NTM: variants seen among roughly 807,000 people sequenced by gnomAD.
The protein encoded by NTM is IgLON family member 2.
Under a neutral mutation model 42.1 loss-of-function variants are expected in NTM, and 13 were observed. The ratio of observed to expected loss-of-function variants is 0.31; its 90% CI spans 0.20 to 0.49. The LOEUF is 0.49. Among genes scored for constraint, NTM ranks in the 20% least tolerant of loss-of-function variants. The pLI is 0.99. For synonymous variants in NTM, 187 were observed against 179.2 expected, an observed-to-expected ratio of 1.04 and a Z score of -0.35; for missense variants, 373 against 452.8, an observed-to-expected ratio of 0.82 and a Z score of 1.60.
intron 1 of NTM, among the ~76,000 whole-genome samples, chr11:131,750,071 C>T (rs2082297063): frequency 1.3e-5 from 2 of 152,182 alleles, no homozygotes; most frequent in South Asian, 2.1e-4. Context: ...TTTCCCCTGA[C>T]CTTAGGTGGA....
chr11:131,910,856 C>G (rs1472634656), intron 1 of NTM: 1 of 985,076 alleles, frequency 1.0e-6, no homozygotes, highest in Admixed American at 6.2e-5. Context: ...GGAAGTTGAC[C>G]GAGGCGGCTG....
chr11:132,194,814 C>CTTTT (rs902871492), intron 3 of NTM, among the ~76,000 whole-genome samples: 72 of 110,646 alleles, frequency 6.5e-4, no homozygotes, highest in African/African-American at 8.5e-4. Context: ...GCATTTCTTC[C>CTTTT]TTTTTTTTTT....
intron 1 of NTM, among the ~76,000 whole-genome samples, chr11:131,388,353 A>G (rs1943575185): frequency 1.3e-5 from 2 of 152,106 alleles, no homozygotes; most frequent in Non-Finnish European, 2.9e-5. Flanking sequence ...AGATATATTT[A>G]AATTCCTGAT....
intron 2 of NTM, among the ~76,000 whole-genome samples, chr11:131,918,564 T>C (rs903870644): frequency 7.9e-5 from 12 of 152,264 alleles, no homozygotes; most frequent in Middle Eastern, 6.8e-3. Context: ...CCAGCTCACA[T>C]ACTCAGGTGG....
chr11:132,088,599 C>T (rs1221891030), intron 2 of NTM, among the ~76,000 whole-genome samples: 1 of 152,216 alleles, frequency 6.6e-6, no homozygotes, highest in Non-Finnish European at 1.5e-5. Context: ...CCACGCTCTT[C>T]CCCAGCATAA....
chr11:131,407,938 T>C (rs929641457), intron 1 of NTM, among the ~76,000 whole-genome samples: 2 of 152,228 alleles, frequency 1.3e-5, no homozygotes, highest in African/African-American at 4.8e-5. Context: ...ATTAACTTAA[T>C]AGTTTCGTGG....
intron 1 of NTM, among the ~76,000 whole-genome samples, chr11:131,447,036 A>AATT (rs375875541): frequency 1.3e-4 from 2 of 15,610 alleles, no homozygotes; most frequent in African/African-American, 4.5e-4. Context: ...CAAAGCTGGA[A>AATT]ATTATTTTTG....
At chr11:131,992,492 C>T (rs994997299) in intron 2 of NTM, among the ~76,000 whole-genome samples, 44 of 152,082 alleles carry the variant, frequency 2.9e-4, no homozygotes, top group African/African-American at 1.0e-3. Context: ...GGTGTATGAA[C>T]ATAAGACTAC....
intron 4 of NTM, among the ~76,000 whole-genome samples, chr11:132,218,103 A>G (rs1464107375): frequency 2.0e-5 from 3 of 152,158 alleles, no homozygotes; most frequent in African/African-American, 7.2e-5. Context: ...ACTAATGAGC[A>G]GCCTGTCAGC....
intron 1 of NTM, among the ~76,000 whole-genome samples, chr11:131,856,297 C>T (rs1329057198): frequency 1.3e-5 from 2 of 152,050 alleles, no homozygotes; most frequent in African/African-American, 4.8e-5. Context: ...TTTTCTTAGA[C>T]CCCAGGAAAA....
chr11:131,689,701 G>A (rs1047346900), intron 1 of NTM, among the ~76,000 whole-genome samples: 6 of 152,064 alleles, frequency 3.9e-5, no homozygotes, highest in Non-Finnish European at 7.4e-5. Flanking sequence ...ATGGATCTTG[G>A]GTCCTCTCTG....
chr11:131,521,106 C>T (rs1176564655), intron 1 of NTM, among the ~76,000 whole-genome samples: 6 of 151,740 alleles, frequency 4.0e-5, no homozygotes, highest in Admixed American at 2.0e-4. Flanking sequence ...GGGTGGATCA[C>T]GAGGTCAGGA....
chr11:132,314,509 T>G, intron 6 of NTM, 43 bp from the exon 7 acceptor site: 2 of 1,580,918 alleles, frequency 1.3e-6, no homozygotes, highest in Non-Finnish European at 1.7e-6. Context: ...TGAGGACACA[T>G]AACCATCTTG....
At chr11:131,420,391 A>G (rs1591617107) in intron 1 of NTM, among the ~76,000 whole-genome samples, 1 of 152,208 alleles carries the variant, frequency 6.6e-6, no homozygotes, top group East Asian at 1.9e-4. Context: ...CTGCAGGTAG[A>G]ACCAGCTCCG....
At position 131,498,215 on chromosome 11, in the gene NTM, G is replaced by A. The variant is rs186267664; in HGVS notation, c.82+127327G>A. Among the ~76,000 whole-genome samples, 13 of 152,300 alleles carry A rather than the reference G, an allele frequency of 8.5e-5. 1 individual carries two copies. In the East Asian group the frequency reaches 2.5e-3, roughly 29 times the overall value. On this transcript the variant is annotated intron_variant, in intron 1 of 8. Transcript: ENST00000683400. ...GAAGTAAGGGCTCTGCAGTCAGACA[G>A]ACCCAAGTTCAAACTCTGGCTCTAC...
chr11:131,463,713 T>C (rs1951623326), intron 1 of NTM, among the ~76,000 whole-genome samples: 1 of 152,200 alleles, frequency 6.6e-6, no homozygotes, highest in Non-Finnish European at 1.5e-5. Flanking sequence ...AATACTCTGC[T>C]TCCTGACGCT....
At chr11:131,525,831 G>A (rs1436715025) in intron 1 of NTM, among the ~76,000 whole-genome samples, 6 of 150,700 alleles carry the variant, frequency 4.0e-5, no homozygotes, top group Admixed American at 3.9e-4. Flanking sequence ...AACTTGTAGG[G>A]TTACTTAACA....
At chr11:131,458,827 A>G (rs1951129141) in intron 1 of NTM, among the ~76,000 whole-genome samples, 1 of 152,242 alleles carries the variant, frequency 6.6e-6, no homozygotes, top group Non-Finnish European at 1.5e-5. Flanking sequence ...GGCTTATTCA[A>G]ACAGTTTTCT....
At chr11:131,731,258 T>G (rs1462272231) in intron 1 of NTM, among the ~76,000 whole-genome samples, 1 of 152,162 alleles carries the variant, frequency 6.6e-6, no homozygotes, top group Admixed American at 6.5e-5. Context: ...AAGCATTGTG[T>G]ACCTTCTCTT....
Sources: allele counts gnomAD v4.1 joint callset (sites outside exome capture counted in the v4.1 genomes callset), GRCh38; gene constraint gnomAD v4.1.1; transcripts MANE v1.5; gene names NCBI Gene and HGNC (gene_info 2026-07-23, HGNC 2026-07-21).